Variants in FYB1 observed in about 807,000 individuals in gnomAD.
FYB1 encodes the protein FYN-binding protein 1.
A neutral mutation model predicts 94.1 loss-of-function variants in FYB1; 41 were observed. That is an observed-to-expected ratio of 0.44 (90% CI 0.34 to 0.57). FYB1 has a LOEUF of 0.57. Among genes scored for constraint, FYB1 ranks in the 20% least tolerant of loss-of-function variants. FYB1 has a pLI of 0.02. For missense variants in FYB1, 1,050 were observed against 976.8 expected, an observed-to-expected ratio of 1.07 and a Z score of -1.00; for synonymous variants, 367 against 353.2, an observed-to-expected ratio of 1.04 and a Z score of -0.44.
intron 2 of FYB1, 39 bp from the exon 3 acceptor site, chr5:39,153,643 ATCTTC>A (rs1392414700): frequency 6.4e-7 from 1 of 1,550,600 alleles, no homozygotes; most frequent in African/African-American, 1.4e-5. Context: ...ATTAAGACAA[ATCTTC>A]AAAAAGAAGA....
chr5:39,181,702 AC>A (rs1475915279), intron 2 of FYB1, among the ~76,000 whole-genome samples: 2 of 152,154 alleles, frequency 1.3e-5, no homozygotes, highest in Admixed American at 1.3e-4. Flanking sequence ...AATTGTTTAA[AC>A]TAGAATCTTA....
At chr5:39,143,470 A>G (rs1209372736) in intron 3 of FYB1, among the ~76,000 whole-genome samples, 1 of 146,214 alleles carries the variant, frequency 6.8e-6, no homozygotes, top group East Asian at 2.1e-4. Flanking sequence ...GGACTGTTGC[A>G]GTAGTCATCT....
chr5:39,260,783 A>T lies in FYB1; in HGVS notation c.-28+13620T>A, dbSNP rs78760540. ...ATACATCGTAGTGTATAATATTCCT[A>T]TTCTTCCAAATTGTTGATGTTCTTT... On this transcript the variant is annotated intron_variant, in intron 1 of 1. Transcript: ENST00000510188. Among the ~76,000 whole-genome samples, 745 of 152,232 alleles carry T rather than the reference A, an allele frequency of 4.9e-3. 10 individuals carry two copies. Among genetic ancestry groups the T allele is most frequent in the African/African-American group, 0.017 (713 of 41,532 alleles).
chr5:39,258,621 TA>T (rs1395535151), intron 1 of FYB1, among the ~76,000 whole-genome samples: 3 of 150,910 alleles, frequency 2.0e-5, no homozygotes, highest in African/African-American at 7.3e-5. Context: ...AAAACAACAA[TA>T]AGAACAACAA....
intron 10 of FYB1, 73 bp downstream of exon 10, chr5:39,130,517 A>G (rs1741097805): frequency 8.4e-7 from 1 of 1,192,404 alleles, no homozygotes; most frequent in Non-Finnish European, 1.2e-6. Context: ...ACAAAATAAC[A>G]CATGTGCTCC....
At chr5:39,253,529 G>C (rs1182319011) in intron 1 of FYB1, among the ~76,000 whole-genome samples, 1 of 152,174 alleles carries the variant, frequency 6.6e-6, no homozygotes, top group Non-Finnish European at 1.5e-5. Flanking sequence ...AGGTAAATGT[G>C]TGTTGTAAGG....
chr5:39,204,989 G>A (rs901461092), intron 1 of FYB1, among the ~76,000 whole-genome samples: 4 of 152,166 alleles, frequency 2.6e-5, no homozygotes, highest in African/African-American at 7.2e-5. Flanking sequence ...GAAGACAGCA[G>A]AACAAGGGAG....
intron 1 of FYB1, among the ~76,000 whole-genome samples, chr5:39,239,707 A>T (rs181136680): frequency 1.6e-4 from 25 of 152,216 alleles, no homozygotes; most frequent in Non-Finnish European, 2.6e-4. Flanking sequence ...GATTGGAAGA[A>T]TCAATATTAT....
chr5:39,259,657 A>G (rs1188953245), intron 1 of FYB1, among the ~76,000 whole-genome samples: 1 of 152,246 alleles, frequency 6.6e-6, no homozygotes, highest in East Asian at 1.9e-4. Flanking sequence ...TTAAAACAAT[A>G]GAATAATCTG....
intron 3 of FYB1, among the ~76,000 whole-genome samples, chr5:39,153,145 G>GGAGATGTTGATA (rs1355643666): frequency 0.013 from 1,970 of 152,178 alleles, 30 homozygotes; most frequent in Non-Finnish European, 0.015. Flanking sequence ...TGGAGGAGTT[G>GGAGATGTTGATA]GTGGTTCTCA....
chr5:39,216,300 A>G (rs527302355), intron 1 of FYB1, among the ~76,000 whole-genome samples: 25 of 152,328 alleles, frequency 1.6e-4, no homozygotes, highest in African/African-American at 6.0e-4. Flanking sequence ...ATATATTTAT[A>G]TTAGCATATA....
intron 1 of FYB1, among the ~76,000 whole-genome samples, chr5:39,266,036 C>T (rs1752424847): frequency 6.7e-6 from 1 of 150,116 alleles, no homozygotes; most frequent in African/African-American, 2.5e-5. Context: ...AAAAATTGTA[C>T]ATGACTAGAA....
chr5:39,148,551 C>G (rs1010168483), intron 3 of FYB1, among the ~76,000 whole-genome samples: 11 of 151,564 alleles, frequency 7.3e-5, no homozygotes, highest in Admixed American at 1.3e-4. Flanking sequence ...TGAAAACTGA[C>G]TTGTTTAAGC....
chr5:39,261,337 GACACACACACACACAC>G (rs57277521), intron 1 of FYB1, among the ~76,000 whole-genome samples: 1 of 133,806 alleles, frequency 7.5e-6, no homozygotes, highest in Non-Finnish European at 1.6e-5. Flanking sequence ...TGTAGATTAA[GACACACACACACACAC>G]ACACACACAC....
At chr5:39,119,441 T>C (rs377225808) in intron 15 of FYB1, 94 bp downstream of exon 15, 1 of 889,032 alleles carries the variant, frequency 1.1e-6, no homozygotes, top group Non-Finnish European at 1.6e-6. Context: ...TTAAAAATCA[T>C]TGGATTTTTC....
chr5:39,231,158 A>C (rs1226215654), intron 1 of FYB1, among the ~76,000 whole-genome samples: 1 of 118,044 alleles, frequency 8.5e-6, no homozygotes, highest in Non-Finnish European at 1.6e-5. Context: ...AAAAAAAAAA[A>C]AAACAAAAAA....
intron 3 of FYB1, among the ~76,000 whole-genome samples, chr5:39,147,307 TC>T (rs768846399): frequency 1.1e-4 from 16 of 151,928 alleles, no homozygotes; most frequent in Non-Finnish European, 2.1e-4. Context: ...TCTTACTCTG[TC>T]CCCCAGGCTG....
At chr5:39,135,706 T>C (rs1247963523) in intron 7 of FYB1, among the ~76,000 whole-genome samples, 2 of 152,228 alleles carry the variant, frequency 1.3e-5, no homozygotes, top group Non-Finnish European at 2.9e-5. Context: ...TTATTGAATT[T>C]ATGATGGCAT....
chr5:39,130,733 A>G lies in FYB1; in HGVS notation c.1818-121T>C. 3 of 772,262 alleles carry G rather than the reference A, an allele frequency of 3.9e-6. No individual in the cohort carries two copies. In the East Asian group the frequency reaches 8.2e-5, roughly 21 times the overall value. 47.8% of individuals were successfully genotyped at this position (772,262 alleles called of 1,614,324 possible). A position where few individuals can be genotyped will look rare whatever the true frequency, so the allele number is the denominator to read the frequency against. On this transcript the variant is annotated intron_variant, in intron 9 of 18. Coordinates refer to ENST00000512982, the MANE Select transcript of FYB1 (RefSeq NM_001465.6). ...TAACATTCCAGTCGAAAGTTCTTAG[A>G]ATGCTATATGTAAAGAGGAAAAAAT...
Sources: allele counts gnomAD v4.1 joint callset (sites outside exome capture counted in the v4.1 genomes callset), GRCh38; gene constraint gnomAD v4.1.1; transcripts MANE v1.5; gene names NCBI Gene and HGNC (gene_info 2026-07-23, HGNC 2026-07-21).